The following DDX10 variants were observed in gnomAD, a reference collection of about 807,000 sequenced individuals.
DDX10 encodes the protein DEAD-box helicase 10, also known as probable ATP-dependent RNA helicase DDX10.
In DDX10, 74 loss-of-function variants were observed where a neutral mutation model predicts 104.3. The observed-to-expected ratio is 0.71, with a 90% confidence interval of 0.59 to 0.86. DDX10 has a LOEUF of 0.86. DDX10 is among the 40% of genes least tolerant of loss of function. The pLI, the probability that DDX10 is intolerant of heterozygous loss-of-function variation, is 0.00. For synonymous variants in DDX10, 351 were observed against 353.4 expected (o/e 0.99, Z 0.08); for missense variants, 952 against 1,040.0 (o/e 0.92, Z 1.16).
At chr11:108,714,732 G>GC (rs1209536057) in intron 10 of DDX10, among the ~76,000 whole-genome samples, 5,125 of 152,070 alleles carry the variant, frequency 0.034, 286 homozygotes, top group African/African-American at 0.12. Flanking sequence ...AGCATCAGTG[G>GC]GATCCATCAG....
At chr11:108,684,566 T>C (rs1301769092) in intron 6 of DDX10, among the ~76,000 whole-genome samples, 2 of 146,618 alleles carry the variant, frequency 1.4e-5, no homozygotes, top group East Asian at 4.1e-4. Flanking sequence ...TTCCATGGTG[T>C]ATATGTGCCA....
At chr11:108,782,516 A>G (rs1181067106) in intron 13 of DDX10, among the ~76,000 whole-genome samples, 1 of 152,060 alleles carries the variant, frequency 6.6e-6, no homozygotes, top group East Asian at 1.9e-4. Flanking sequence ...CTTAGACAAT[A>G]CTCATCTACC....
At chr11:108,805,599 T>C (rs1383871720) in intron 13 of DDX10, among the ~76,000 whole-genome samples, 2 of 152,228 alleles carry the variant, frequency 1.3e-5, no homozygotes, top group East Asian at 3.8e-4. Flanking sequence ...TTTTTCCTCC[T>C]GCTTTTAATA....
At chr11:108,830,925 A>T (rs1010435259) in intron 13 of DDX10, among the ~76,000 whole-genome samples, 2 of 152,212 alleles carry the variant, frequency 1.3e-5, no homozygotes, top group African/African-American at 2.4e-5. Flanking sequence ...GTTAGAGAAT[A>T]TTTGAATTAC....
chr11:108,757,918 CT>C (rs1474760086), intron 13 of DDX10, among the ~76,000 whole-genome samples: 2 of 151,900 alleles, frequency 1.3e-5, no homozygotes, highest in Non-Finnish European at 2.9e-5. Context: ...AATTGCATTC[CT>C]TTCTTTCCAC....
At chr11:108,881,629 A>G (rs1863228298) in intron 16 of DDX10, among the ~76,000 whole-genome samples, 1 of 152,302 alleles carries the variant, frequency 6.6e-6, no homozygotes, top group East Asian at 1.9e-4. Flanking sequence ...TACATGAGCT[A>G]TTCAACACTC....
At chr11:108,889,587 C>T (rs1049474098) in intron 16 of DDX10, among the ~76,000 whole-genome samples, 3 of 151,982 alleles carry the variant, frequency 2.0e-5, no homozygotes, top group South Asian at 2.1e-4. Flanking sequence ...TGCCAAAGTA[C>T]GGATGACCAT....
At position 108,757,747 on chromosome 11, in the gene DDX10, T is replaced by TC. The variant is rs560050331; in HGVS notation, c.1965+34286dup. ...CCTTCTGACCCTTATAATCTGTTTT[T>TC]CTCCCAGTACTTGTTTTCTGGCTTT... On this transcript the variant is annotated intron_variant, in intron 13 of 17. Transcript: ENST00000322536. 7.2e-5 allele frequency among the ~76,000 whole-genome samples: 11 copies of TC among 152,174 alleles called. No homozygotes were observed. In the South Asian group the frequency reaches 2.3e-3, roughly 32 times the overall value.
intron 16 of DDX10, among the ~76,000 whole-genome samples, chr11:108,915,273 C>T (rs1425548129): frequency 6.6e-6 from 1 of 152,068 alleles, no homozygotes; most frequent in Admixed American, 6.5e-5. Context: ...TACTTGCTTA[C>T]CCTTCAAGGA....
Position 108,932,353 on chromosome 11 carries a change from A to G in DDX10, c.2451-7893A>G, listed in dbSNP as rs1033291359. 8.6e-5 allele frequency among the ~76,000 whole-genome samples: 13 copies of G among 151,986 alleles called. 1 individual carries two copies. Among genetic ancestry groups the G allele is most frequent in the African/African-American group, 2.9e-4 (12 of 41,254 alleles). On this transcript the variant is annotated intron_variant, in intron 17 of 17. Coordinates refer to ENST00000322536, the MANE Select transcript of DDX10 (RefSeq NM_004398.4). ...TCTTTGAAAATGGGAACCAGGCCGA[A>G]CATGGTGGTGTGCACCTTTAGTCCC...
At chr11:108,902,277 T>C (rs1863526653) in intron 16 of DDX10, among the ~76,000 whole-genome samples, 2 of 152,304 alleles carry the variant, frequency 1.3e-5, no homozygotes, top group African/African-American at 4.8e-5. Context: ...GCAGTAATGC[T>C]TGTGGCCAGA....
intron 16 of DDX10, among the ~76,000 whole-genome samples, chr11:108,896,202 A>G (rs1863438647): frequency 1.3e-5 from 2 of 152,160 alleles, no homozygotes; most frequent in South Asian, 2.1e-4. Flanking sequence ...TTAGTTATTT[A>G]TATATTCTAA....
At chr11:108,762,200 A>C (rs1204156020) in intron 13 of DDX10, among the ~76,000 whole-genome samples, 1 of 152,168 alleles carries the variant, frequency 6.6e-6, no homozygotes, top group Non-Finnish European at 1.5e-5. Context: ...GCAGTGCTCA[A>C]ATACAGCATT....
intron 13 of DDX10, among the ~76,000 whole-genome samples, chr11:108,811,952 T>G (rs1043448322): frequency 2.6e-5 from 4 of 152,298 alleles, no homozygotes; most frequent in African/African-American, 9.6e-5. Flanking sequence ...GTTAGACATT[T>G]GTTATATGTA....
At chr11:108,811,892 T>TG (rs34144850) in intron 13 of DDX10, among the ~76,000 whole-genome samples, 95,525 of 140,252 alleles carry the variant, frequency 0.68, 36,596 homozygotes, top group Non-Finnish European at 0.85. Flanking sequence ...ATTATAAATA[T>TG]GGGGGGGGGA....
chr11:108,666,950 T>C (rs531173763), intron 1 of DDX10, among the ~76,000 whole-genome samples: 7 of 152,326 alleles, frequency 4.6e-5, no homozygotes, highest in African/African-American at 1.4e-4. Flanking sequence ...GCTAGAAACC[T>C]AGGAGCAGTC....
At chr11:108,884,383 C>T (rs1019750071) in intron 16 of DDX10, among the ~76,000 whole-genome samples, 1 of 152,160 alleles carries the variant, frequency 6.6e-6, no homozygotes, top group Non-Finnish European at 1.5e-5. Context: ...CCCCAGTCTA[C>T]ATATGGACCA....
At chr11:108,884,524 C>G (rs1019697248) in intron 16 of DDX10, among the ~76,000 whole-genome samples, 2 of 152,152 alleles carry the variant, frequency 1.3e-5, no homozygotes, top group African/African-American at 4.8e-5. Flanking sequence ...TGATGTAGGT[C>G]TCTGTCTTCA....
Position 108,864,893 on chromosome 11 carries a change from C to T in DDX10, c.2304+12684C>T, listed in dbSNP as rs900348459. 2.0e-5 allele frequency among the ~76,000 whole-genome samples: 3 copies of T among 152,196 alleles called. No individual in the cohort carries two copies. In the South Asian group the frequency reaches 6.2e-4, roughly 32 times the overall value. On this transcript the variant is annotated intron_variant, in intron 16 of 17. Coordinates refer to ENST00000322536, the MANE Select transcript of DDX10 (RefSeq NM_004398.4). ...CAGTCTCTTAAATTAGTTACAAACT[C>T]AGCATGCCCAAACTCTAGTTGTCTT...
Sources: gnomAD v4.1 joint callset for allele counts (sites outside exome capture counted in the v4.1 genomes callset) on GRCh38, gnomAD v4.1.1 for gene constraint, MANE v1.5 for transcripts, NCBI Gene and HGNC (gene_info 2026-07-23, HGNC 2026-07-21) for gene names.